RASGEF1A: variants seen among roughly 807,000 people sequenced by gnomAD.
RASGEF1A encodes RasGEF domain family member 1A.
RASGEF1A carries 18 observed loss-of-function variants against 56.4 expected under a neutral mutation model. The ratio of observed to expected loss-of-function variants is 0.32; its 90% CI spans 0.22 to 0.47. RASGEF1A has a LOEUF of 0.47. RASGEF1A is among the 20% of genes least tolerant of loss of function. The probability of loss-of-function intolerance (pLI) is 1.00; values close to 1 mark genes in which losing one functional copy is unlikely to be tolerated. For missense variants in RASGEF1A, 422 were observed against 627.1 expected, an observed-to-expected ratio of 0.67 and a Z score of 3.49; for synonymous variants, 245 against 242.6, an observed-to-expected ratio of 1.01 and a Z score of -0.09.
chr10:43,229,867 A>G (rs986981113), intron 1 of RASGEF1A: 7 of 610,100 alleles, frequency 1.1e-5, no homozygotes, highest in Non-Finnish European at 1.7e-5. Context: ...GAGGCCGGCC[A>G]GGAACGCGGG....
At chr10:43,254,925 G>A (rs1045788981) in intron 1 of RASGEF1A, among the ~76,000 whole-genome samples, 1 of 152,176 alleles carries the variant, frequency 6.6e-6, no homozygotes, top group East Asian at 1.9e-4. Flanking sequence ...GGTAGCCCCA[G>A]GGCCCACTGG....
At chr10:43,236,880 G>C (rs925053289) in intron 1 of RASGEF1A, among the ~76,000 whole-genome samples, 7 of 152,120 alleles carry the variant, frequency 4.6e-5, no homozygotes, top group Admixed American at 3.9e-4. Flanking sequence ...AGGGGACAAG[G>C]GGGGGATGCT....
intron 1 of RASGEF1A, among the ~76,000 whole-genome samples, chr10:43,263,792 T>C (rs576032754): frequency 6.6e-6 from 1 of 152,298 alleles, no homozygotes; most frequent in African/African-American, 2.4e-5. Flanking sequence ...GGCACCCATG[T>C]GCTTCCTGGG....
chr10:43,220,415 C>T (rs1281889815), intron 1 of RASGEF1A, among the ~76,000 whole-genome samples: 1 of 152,112 alleles, frequency 6.6e-6, no homozygotes, highest in Non-Finnish European at 1.5e-5. Flanking sequence ...ATTGCTTGAG[C>T]CCAGGAGGTA....
chr10:43,235,576 G>A (rs2133214006), intron 1 of RASGEF1A, among the ~76,000 whole-genome samples: 1 of 152,356 alleles, frequency 6.6e-6, no homozygotes, highest in Non-Finnish European at 1.5e-5. Context: ...TTGCTAAAAA[G>A]GCAGTGCCAA....
At chr10:43,213,808 A>T (rs1840099134) in intron 1 of RASGEF1A, among the ~76,000 whole-genome samples, 1 of 151,854 alleles carries the variant, frequency 6.6e-6, no homozygotes, top group Non-Finnish European at 1.5e-5. Flanking sequence ...TGTATTTTTT[A>T]GTAGAGACGG....
In RASGEF1A at chr10:43,199,635, G is replaced by A. The variant is rs185837886; in HGVS notation, c.849+41C>T. 78 of 1,503,424 alleles carry A rather than the reference G, an allele frequency of 5.2e-5. 1 individual carries two copies. In the East Asian group the frequency reaches 1.7e-3, roughly 33 times the overall value. The allele number at this position is 1,503,424 out of a possible 1,614,324, so 93.1% of individuals were successfully genotyped here. ...CAAGATCAGGGTCTCACTGGGTGTGGGCATGGCAGCCACCCCACCATGTCT... is the reference window on the plus strand; with the variant it reads ...CAAGATCAGGGTCTCACTGGGTGTGAGCATGGCAGCCACCCCACCATGTCT... On this transcript the variant is annotated intron_variant, in intron 7 of 12. Coordinates refer to ENST00000395810, the MANE Select transcript of RASGEF1A (RefSeq NM_145313.4).
At chr10:43,256,582 C>CCT (rs1836412203) in intron 1 of RASGEF1A, among the ~76,000 whole-genome samples, 1 of 152,142 alleles carries the variant, frequency 6.6e-6, no homozygotes, top group African/African-American at 2.4e-5. Flanking sequence ...GCATGGGCTA[C>CCT]CTCTCTCGGC....
At chr10:43,225,148 C>T (rs1264915449) in intron 1 of RASGEF1A, among the ~76,000 whole-genome samples, 4 of 138,220 alleles carry the variant, frequency 2.9e-5, no homozygotes, top group African/African-American at 1.1e-4. Context: ...CTGTATGTGT[C>T]TGTGTGTGTG....
At chr10:43,233,801 A>G (rs1840400159) in intron 1 of RASGEF1A, among the ~76,000 whole-genome samples, 1 of 152,208 alleles carries the variant, frequency 6.6e-6, no homozygotes, top group African/African-American at 2.4e-5. Context: ...ACCAAAGGAC[A>G]CACGCAGGAG....
In RASGEF1A at chr10:43,198,915, CG is replaced by C. The variant is rs755893760; in HGVS notation, c.1032+17del. 3.1e-6 allele frequency: 5 copies of C among 1,610,072 alleles called. No individual in the cohort carries two copies. Among genetic ancestry groups the C allele is most frequent in the East Asian group, 4.5e-5 (2 of 44,824 alleles). ...AAATGGGTGCAGCTCGCAGCTGTGA[CG>C]GGGCTCAGGTGCCTACCTCCAAGAC... On this transcript the variant is annotated intron_variant, in intron 9 of 12. Coordinates refer to ENST00000395810, the MANE Select transcript of RASGEF1A (RefSeq NM_145313.4).
rs969218814 is a variant in RASGEF1A, at chr10:43,196,995, C to T, written c.1329G>A (p.Ala443=). ...CCTCACCTTCCTCGCTGTAGATGGG[C>T]GCCGTGAGCAGGTAACTCTGAATCT... is the stretch of plus-strand genomic sequence containing the variant. The part of the protein sequence containing the change: ...DKKIQSYLLT[A]PIYSEEALFV... Residue 443 remains alanine, a synonymous_variant, in exon 11 of 13, where the codon GCG becomes GCA. Coordinates refer to ENST00000395810, the MANE Select transcript of RASGEF1A (RefSeq NM_145313.4). This position sits in a 1 kb window ranked among gnomAD's most constrained non-coding sequence, Gnocchi z 4.6. The T allele has an allele frequency of 1.1e-5, 17 of 1,613,566 alleles. No homozygotes were observed. Among genetic ancestry groups the T allele is most frequent in the Admixed American group, 5.0e-5 (3 of 60,004 alleles).
intron 1 of RASGEF1A, among the ~76,000 whole-genome samples, chr10:43,215,439 C>T (rs958751331): frequency 1.3e-5 from 2 of 152,334 alleles, no homozygotes; most frequent in East Asian, 1.9e-4. Flanking sequence ...GCAGGGAGAG[C>T]GTGCTCCTGG....
intron 5 of RASGEF1A, 134 bp from the exon 6 acceptor site, chr10:43,200,390 C>T: frequency 1.3e-6 from 1 of 759,860 alleles, no homozygotes; most frequent in Non-Finnish European, 2.2e-6. Context: ...GCCAGTCCTC[C>T]ATCCTAGGGC....
At chr10:43,245,787 G>GA (rs1427277206) in intron 1 of RASGEF1A, among the ~76,000 whole-genome samples, 1 of 152,156 alleles carries the variant, frequency 6.6e-6, no homozygotes, top group African/African-American at 2.4e-5. Flanking sequence ...GGATATCTGT[G>GA]AAAAATCCAG....
intron 1 of RASGEF1A, among the ~76,000 whole-genome samples, chr10:43,264,671 G>A (rs998890426): frequency 1.3e-5 from 2 of 151,400 alleles, no homozygotes; most frequent in African/African-American, 4.9e-5. Context: ...GGTCCGTCAA[G>A]GGGCAGCAGG....
Position 43,196,891 on chromosome 10 carries a change from TC to T in RASGEF1A, c.1348+84del. ...GGCATGGAGCAGCCAGCAGGCCATCTCCCAGGGCAACCCCAAAGAGCACCGG... is the reference window on the plus strand; with the variant it reads ...GGCATGGAGCAGCCAGCAGGCCATCTCCAGGGCAACCCCAAAGAGCACCGG... On this transcript the variant is annotated intron_variant, in intron 11 of 12. Coordinates refer to ENST00000395810, the MANE Select transcript of RASGEF1A (RefSeq NM_145313.4). The surrounding 1 kb of genome is among the most constrained non-coding windows in gnomAD (Gnocchi z 4.6). 1 of 1,537,578 alleles carries T rather than the reference TC, an allele frequency of 6.5e-7. No homozygotes were observed.
intron 1 of RASGEF1A, among the ~76,000 whole-genome samples, chr10:43,223,455 T>C (rs545655058): frequency 6.6e-6 from 1 of 152,336 alleles, no homozygotes; most frequent in East Asian, 1.9e-4. Flanking sequence ...ATAGGAAAAC[T>C]CTGTATCGAA....
chr10:43,200,765 G>A lies in RASGEF1A; in HGVS notation c.583C>T (p.Pro195Ser). The change falls in exon 5 of 13, where the codon CCC becomes TCC. Residue 195 changes from proline to serine, a missense_variant. Pro to Ser is a moderately conservative substitution (Grantham distance 74). Coordinates refer to ENST00000395810, the MANE Select transcript of RASGEF1A (RefSeq NM_145313.4). ...GCTGGTGGCTTGGTCTTGAGGATGGGCCCCTTGTCTACAGCCGGTGGCCGG... is the reference window on the plus strand; with the variant it reads ...GCTGGTGGCTTGGTCTTGAGGATGGACCCCTTGTCTACAGCCGGTGGCCGG... ...KLRPPAVDKG[P>S]ILKTKPPAAQ... 1 of 1,613,904 alleles carries A rather than the reference G, an allele frequency of 6.2e-7. No individual in the cohort carries two copies. The highest frequency in any genetic ancestry group is 8.5e-7 in the Non-Finnish European group (1 of 1,180,028).
Sources: gnomAD v4.1 joint callset for allele counts (sites outside exome capture counted in the v4.1 genomes callset) on GRCh38, gnomAD v4.1.1 for gene constraint, Gnocchi (gnomAD v3.1) non-coding constraint, MANE v1.5 for transcripts, NCBI Gene and HGNC (gene_info 2026-07-23, HGNC 2026-07-21) for gene names.